ADRA1A: variants seen among roughly 807,000 people sequenced by gnomAD.
ADRA1A encodes adrenoceptor alpha 1A, also known as alpha-1A adrenergic receptor.
ADRA1A carries 31 observed loss-of-function variants against 29.6 expected under a neutral mutation model. The observed-to-expected ratio is 1.05, with a 90% CI of 0.79 to 1.41. ADRA1A has a LOEUF of 1.41. Ranked by LOEUF, ADRA1A falls within the 40% of genes most tolerant of loss-of-function variation. ADRA1A has a pLI of 0.00. For missense variants in ADRA1A, 619 were observed against 601.1 expected, an observed-to-expected ratio of 1.03 and a Z score of -0.31; for synonymous variants, 311 against 254.3, an observed-to-expected ratio of 1.22 and a Z score of -2.12.
intron 2 of ADRA1A, among the ~76,000 whole-genome samples, chr8:26,837,741 A>G (rs1363270122): frequency 6.6e-6 from 1 of 152,060 alleles, no homozygotes; most frequent in Non-Finnish European, 1.5e-5. Flanking sequence ...TAGCACAAGG[A>G]AAAAAGCTTT....
At chr8:26,783,369 G>A (rs992071490) in intron 2 of ADRA1A, among the ~76,000 whole-genome samples, 1 of 152,142 alleles carries the variant, frequency 6.6e-6, no homozygotes, top group African/African-American at 2.4e-5. Context: ...TTGCGTGACT[G>A]TTAACTCAGC....
chr8:26,819,620 T>A (rs1183313777), intron 2 of ADRA1A, among the ~76,000 whole-genome samples: 1 of 151,988 alleles, frequency 6.6e-6, no homozygotes, highest in African/African-American at 2.4e-5. Flanking sequence ...AAACCTTTAG[T>A]AGATACACAG....
intron 2 of ADRA1A, among the ~76,000 whole-genome samples, chr8:26,782,264 C>A (rs546637994): frequency 6.6e-6 from 1 of 152,280 alleles, no homozygotes; most frequent in South Asian, 2.1e-4. Flanking sequence ...GAACACCTGA[C>A]CAGGGCCTGA....
At chr8:26,847,442 T>G (rs577603624) in intron 2 of ADRA1A, among the ~76,000 whole-genome samples, 1 of 152,278 alleles carries the variant, frequency 6.6e-6, no homozygotes, top group African/African-American at 2.4e-5. Context: ...AGATTGTTCT[T>G]TAGTAATTTC....
In ADRA1A at chr8:26,775,461, A is replaced by G. The variant is rs1806475662; in HGVS notation, c.884-4795T>C. On this transcript the variant is annotated intron_variant, in intron 2 of 2. Coordinates refer to ENST00000380573, the MANE Select transcript of ADRA1A (RefSeq NM_000680.4). The surrounding 1 kb of genome is among the most constrained non-coding windows in gnomAD (Gnocchi z 4.1). ...ATCAGACCCTCTAGTTTTTCTCATG[A>G]TGCTTCATAGGAAGAGCCAGACTTC... Among the ~76,000 whole-genome samples the G allele has an allele frequency of 6.6e-6, 1 of 151,984 alleles. No individual in the cohort carries two copies. The highest frequency in any genetic ancestry group is 2.1e-4 in the South Asian group (1 of 4,806).
At position 26,860,413 on chromosome 8, in the gene ADRA1A, A is replaced by G. The variant is rs781654887; in HGVS notation, c.883+3674T>C. On this transcript the variant is annotated intron_variant, in intron 2 of 2. Transcript: ENST00000380573. The surrounding 1 kb of genome is among the most constrained non-coding windows in gnomAD (Gnocchi z 4.7). Reference sequence around the variant, plus strand: ...CTGGGACTCACAGTAGGTCCTCAGCATTGCCTCCTGTATCCCTCAGCTGCT... The same window carrying G: ...CTGGGACTCACAGTAGGTCCTCAGCGTTGCCTCCTGTATCCCTCAGCTGCT... Among the ~76,000 whole-genome samples the G allele has an allele frequency of 3.3e-5, 5 of 152,140 alleles. No homozygotes were observed. The highest frequency in any genetic ancestry group is 4.8e-5 in the African/African-American group (2 of 41,424).
At position 26,805,409 on chromosome 8, in the gene ADRA1A, C is replaced by T. The variant is rs12547707; in HGVS notation, c.884-34743G>A. On this transcript the variant is annotated intron_variant, in intron 2 of 2. Coordinates refer to ENST00000380573, the MANE Select transcript of ADRA1A (RefSeq NM_000680.4). This position sits in a 1 kb window ranked among gnomAD's most constrained non-coding sequence, Gnocchi z 4.8. ...GATGAAGCAAATCACTTGTCTACTA[C>T]GCTACAACATTGTCTTAGAGAAGGG... is the stretch of plus-strand genomic sequence containing the variant. Among the ~76,000 whole-genome samples the T allele has an allele frequency of 0.18, 27,506 of 152,160 alleles. 2,946 individuals carry two copies. Among genetic ancestry groups the T allele is most frequent in the East Asian group, 0.51 (2,633 of 5,158 alleles).
chr8:26,775,352 T>A lies in ADRA1A; in HGVS notation c.884-4686A>T, dbSNP rs1291370976. On this transcript the variant is annotated intron_variant, in intron 2 of 2. Coordinates refer to ENST00000380573, the MANE Select transcript of ADRA1A (RefSeq NM_000680.4). This position sits in a 1 kb window ranked among gnomAD's most constrained non-coding sequence, Gnocchi z 4.1. ...TCTTTCTGCTGTCTCATTCTTCTTTTTTTTGCCCACCATTTCAGTTCAGTC... is the reference window on the plus strand; with the variant it reads ...TCTTTCTGCTGTCTCATTCTTCTTTATTTTGCCCACCATTTCAGTTCAGTC... 6.6e-6 allele frequency among the ~76,000 whole-genome samples: 1 copy of A among 152,214 alleles called. No homozygotes were observed. The highest frequency in any genetic ancestry group is 1.5e-5 in the Non-Finnish European group (1 of 68,042).
At chr8:26,852,729 A>G (rs1812729827) in intron 2 of ADRA1A, among the ~76,000 whole-genome samples, 1 of 152,196 alleles carries the variant, frequency 6.6e-6, no homozygotes, top group African/African-American at 2.4e-5. Flanking sequence ...AAGTTTTTCA[A>G]ACCTTCAAGG....
chr8:26,760,062 C>T (rs1585630340), intron 2 of ADRA1A, among the ~76,000 whole-genome samples: 1 of 152,168 alleles, frequency 6.6e-6, no homozygotes, highest in Non-Finnish European at 1.5e-5. Context: ...TGGTGTCTTG[C>T]CCAGAAAACA....
intron 2 of ADRA1A, among the ~76,000 whole-genome samples, chr8:26,842,072 T>A (rs1811851617): frequency 1.3e-5 from 2 of 152,264 alleles, no homozygotes; most frequent in South Asian, 4.1e-4. Context: ...GAGCTCTTCT[T>A]CACCAAATGC....
At chr8:26,795,916 T>TGTACAGGAA (rs1808160415) in intron 2 of ADRA1A, among the ~76,000 whole-genome samples, 1 of 152,146 alleles carries the variant, frequency 6.6e-6, no homozygotes, top group African/African-American at 2.4e-5. Flanking sequence ...AACTTAGACT[T>TGTACAGGAA]ATAAACCATT....
intron 2 of ADRA1A, among the ~76,000 whole-genome samples, chr8:26,791,410 C>T (rs1807824147): frequency 6.6e-6 from 1 of 152,042 alleles, no homozygotes; most frequent in African/African-American, 2.4e-5. Context: ...AGAGGCTATA[C>T]CTACTTATAC....
chr8:26,798,170 G>T (rs907786722), intron 2 of ADRA1A, among the ~76,000 whole-genome samples: 2 of 152,110 alleles, frequency 1.3e-5, no homozygotes, highest in Non-Finnish European at 2.9e-5. Flanking sequence ...GTAGAGACAG[G>T]GTTTTGCCAT....
At chr8:26,818,594 A>G (rs1273753385) in intron 2 of ADRA1A, among the ~76,000 whole-genome samples, 1 of 152,134 alleles carries the variant, frequency 6.6e-6, no homozygotes, top group East Asian at 1.9e-4. Context: ...TTATATGACT[A>G]TAAATAAAAA....
chr8:26,818,386 G>T (rs1809912423), intron 2 of ADRA1A, among the ~76,000 whole-genome samples: 1 of 152,076 alleles, frequency 6.6e-6, no homozygotes, highest in Admixed American at 6.5e-5. Flanking sequence ...ACTATCCAAA[G>T]ACAACCTTAT....
chr8:26,796,400 A>G lies in ADRA1A; in HGVS notation c.884-25734T>C, dbSNP rs1047058426. Among the ~76,000 whole-genome samples the G allele has an allele frequency of 4.6e-5, 7 of 152,188 alleles. No individual in the cohort carries two copies. Among genetic ancestry groups the G allele is most frequent in the Non-Finnish European group, 7.3e-5 (5 of 68,028 alleles). ...TTCCAAGTTTTTTTAAATAGCTTTC[A>G]TAAATAAGTTTGCTTTTTAATTCAT... On this transcript the variant is annotated intron_variant, in intron 2 of 2. Transcript: ENST00000380573. This position sits in a 1 kb window ranked among gnomAD's most constrained non-coding sequence, Gnocchi z 5.0.
In ADRA1A at chr8:26,822,050, A is replaced by T. The variant is rs544506123; in HGVS notation, c.883+42037T>A. On this transcript the variant is annotated intron_variant, in intron 2 of 2. Transcript: ENST00000380573. ...TATTACAAATAAAGCTGCTGTAAAA[A>T]CTCCTGTACAAGTTTTTTGTGTGAC... Among the ~76,000 whole-genome samples the T allele has an allele frequency of 3.8e-4, 57 of 151,502 alleles. 1 individual carries two copies. The South Asian group carries it at 0.011, about 28-fold the overall frequency.
In ADRA1A at chr8:26,825,544, C is replaced by G. The variant is rs1051876044; in HGVS notation, c.883+38543G>C. On this transcript the variant is annotated intron_variant, in intron 2 of 2. Coordinates refer to ENST00000380573, the MANE Select transcript of ADRA1A (RefSeq NM_000680.4). This position sits in a 1 kb window ranked among gnomAD's most constrained non-coding sequence, Gnocchi z 5.7. ...ACCCCAACTTCTAGTTGTCAGCTAT[C>G]CTTGTCAAAATTTCCTAATTTTGAT... Among the ~76,000 whole-genome samples, 2 of 152,282 alleles carry G rather than the reference C, an allele frequency of 1.3e-5. No homozygotes were observed. Among genetic ancestry groups the G allele is most frequent in the Middle Eastern group, 3.4e-3 (1 of 294 alleles).
Sources: allele counts gnomAD v4.1 joint callset (sites outside exome capture counted in the v4.1 genomes callset), GRCh38; gene constraint gnomAD v4.1.1; non-coding constraint Gnocchi (gnomAD v3.1); transcripts MANE v1.5; gene names NCBI Gene and HGNC (gene_info 2026-07-23, HGNC 2026-07-21).